KIF26B: variants seen among roughly 807,000 people sequenced by gnomAD.
The protein encoded by KIF26B is kinesin family member 26B.
In KIF26B, 63 loss-of-function variants were observed where a neutral mutation model predicts 151.2. That is an observed-to-expected ratio of 0.42 (90% CI 0.34 to 0.51). The LOEUF (loss-of-function observed/expected upper bound fraction) is 0.51, where lower values mean the gene tolerates loss of function less well. KIF26B is among the 20% of genes least tolerant of loss of function. KIF26B has a pLI of 0.07. For synonymous variants in KIF26B, 1,357 were observed against 1,262.1 expected (o/e 1.08, Z -1.59); for missense variants, 2,813 against 2,913.6 (o/e 0.97, Z 0.79).
At chr1:245,452,308 T>C (rs527779521) in intron 4 of KIF26B, among the ~76,000 whole-genome samples, 2 of 152,366 alleles carry the variant, frequency 1.3e-5, no homozygotes, top group East Asian at 1.9e-4. Context: ...TTGTATGTAT[T>C]ATATATACCA....
Position 245,167,531 on chromosome 1 carries a change from A to G in KIF26B, c.465+10848A>G, listed in dbSNP as rs895694531. Among the ~76,000 whole-genome samples the G allele has an allele frequency of 2.0e-5, 3 of 152,218 alleles. No homozygotes were observed. Among genetic ancestry groups the G allele is most frequent in the East Asian group, 3.8e-4 (2 of 5,200 alleles). On this transcript the variant is annotated intron_variant, in intron 2 of 14. Transcript: ENST00000407071. This position sits in a 1 kb window ranked among gnomAD's most constrained non-coding sequence, Gnocchi z 4.2. ...ACTGGTGGCTTCACACAAGAATGGGAGACTCACCTATTAACTGATTAGAAG... is the reference window on the plus strand; with the variant it reads ...ACTGGTGGCTTCACACAAGAATGGGGGACTCACCTATTAACTGATTAGAAG...
Position 245,608,037 on chromosome 1 carries a change from T to A in KIF26B, c.1651+293T>A, listed in dbSNP as rs550108717. Among the ~76,000 whole-genome samples the A allele has an allele frequency of 2.0e-5, 3 of 152,268 alleles. No individual in the cohort carries two copies. The South Asian group carries it at 6.2e-4, about 32-fold the overall frequency. On this transcript the variant is annotated intron_variant, in intron 7 of 14. Coordinates refer to ENST00000407071, the MANE Select transcript of KIF26B (RefSeq NM_018012.4). ...GCCCAGAAGGCAGGCAGGAAAATAT[T>A]CATTTCCTGAGCAGCCGCTGTTTGG...
At chr1:245,395,957 G>T (rs1457903095) in intron 3 of KIF26B, among the ~76,000 whole-genome samples, 1 of 152,140 alleles carries the variant, frequency 6.6e-6, no homozygotes, top group African/African-American at 2.4e-5. Context: ...TTTCTTCCTA[G>T]CGATGGTGTT....
chr1:245,202,706 G>C (rs1414674808), intron 2 of KIF26B, among the ~76,000 whole-genome samples: 2 of 146,126 alleles, frequency 1.4e-5, no homozygotes, highest in East Asian at 4.0e-4. Flanking sequence ...CTTGCAGTGA[G>C]CTGAGATCGC....
At chr1:245,243,443 TATATACACAC>T (rs1356889132) in intron 2 of KIF26B, among the ~76,000 whole-genome samples, 2 of 143,432 alleles carry the variant, frequency 1.4e-5, no homozygotes, top group African/African-American at 5.2e-5. Flanking sequence ...TACATATATA[TATATACACAC>T]ACACACACAC....
intron 4 of KIF26B, among the ~76,000 whole-genome samples, chr1:245,434,198 CACTT>C (rs1383527947): frequency 1.4e-4 from 22 of 152,236 alleles, no homozygotes; most frequent in African/African-American, 5.1e-4. Flanking sequence ...ATTTTAGAGG[CACTT>C]ACTAGGGATG....
intron 4 of KIF26B, among the ~76,000 whole-genome samples, chr1:245,475,040 T>G (rs745985895): frequency 6.6e-6 from 1 of 151,900 alleles, no homozygotes; most frequent in Non-Finnish European, 1.5e-5. Flanking sequence ...AAATGACAAC[T>G]TGTAAACTAC....
intron 9 of KIF26B, among the ~76,000 whole-genome samples, chr1:245,632,180 C>T (rs1358571459): frequency 6.6e-6 from 1 of 152,142 alleles, no homozygotes; most frequent in African/African-American, 2.4e-5. Context: ...TTACTCTAAA[C>T]CCCTCTTACT....
chr1:245,374,123 A>T (rs1673213961), intron 3 of KIF26B, among the ~76,000 whole-genome samples: 1 of 99,920 alleles, frequency 1.0e-5, no homozygotes, highest in African/African-American at 3.7e-5. Flanking sequence ...ATATATATAT[A>T]TATATATATA....
chr1:245,211,272 G>T (rs2103543757), intron 2 of KIF26B, among the ~76,000 whole-genome samples: 1 of 152,266 alleles, frequency 6.6e-6, no homozygotes, highest in East Asian at 1.9e-4. Context: ...GTTAGTCATG[G>T]CAGTAGAAAG....
chr1:245,532,070 G>C (rs1259983994), intron 4 of KIF26B, among the ~76,000 whole-genome samples: 1 of 152,034 alleles, frequency 6.6e-6, no homozygotes, highest in East Asian at 1.9e-4. Flanking sequence ...CATGGTGACA[G>C]AGCCAGACCC....
chr1:245,651,221 C>T (rs946146409), intron 10 of KIF26B, among the ~76,000 whole-genome samples: 2 of 152,214 alleles, frequency 1.3e-5, no homozygotes, highest in African/African-American at 2.4e-5. Context: ...CATCGGGACA[C>T]ACCAGTTCAT....
At position 245,155,909 on chromosome 1, in the gene KIF26B, C is replaced by CA. The variant is rs534030933; in HGVS notation, c.64-373_64-372insA. Among the ~76,000 whole-genome samples the CA allele has an allele frequency of 2.7e-3, 416 of 152,292 alleles. 2 individuals carry two copies. Among genetic ancestry groups the CA allele is most frequent in the African/African-American group, 9.6e-3 (400 of 41,564 alleles). On this transcript the variant is annotated intron_variant, in intron 1 of 14. Coordinates refer to ENST00000407071, the MANE Select transcript of KIF26B (RefSeq NM_018012.4). ...AATCACAGCCCTCCCCCTACCCCCC[C>CA]CATAGGGTCTTCCAGGATTTTGTTC...
intron 3 of KIF26B, among the ~76,000 whole-genome samples, chr1:245,394,210 T>A (rs1673768052): frequency 6.6e-6 from 1 of 152,220 alleles, no homozygotes; most frequent in Non-Finnish European, 1.5e-5. Context: ...TTCTCTGTCG[T>A]CGTGAGTTTC....
intron 4 of KIF26B, among the ~76,000 whole-genome samples, chr1:245,440,627 C>T (rs765561995): frequency 2.0e-5 from 3 of 152,214 alleles, no homozygotes; most frequent in Non-Finnish European, 4.4e-5. Context: ...GCCTCTCTTG[C>T]ACAGAAAGAG....
At chr1:245,637,121 T>C (rs767428049) in intron 9 of KIF26B, among the ~76,000 whole-genome samples, 1 of 152,108 alleles carries the variant, frequency 6.6e-6, no homozygotes, top group Non-Finnish European at 1.5e-5. Flanking sequence ...CTGTACTAAT[T>C]TACATTCCCA....
At chr1:245,600,508 T>A (rs538309720) in intron 5 of KIF26B, among the ~76,000 whole-genome samples, 6 of 151,696 alleles carry the variant, frequency 4.0e-5, no homozygotes, top group African/African-American at 9.7e-5. Context: ...TATTTTTTTT[T>A]AATTAACTTT....
Position 245,601,584 on chromosome 1 carries a change from A to G in KIF26B, c.1351-993A>G, listed in dbSNP as rs2043397232. ...GCCACATATTACTAAAATTACCTGTATCTGTGTCTATCCTGCTACTCTATG... is the reference window on the plus strand; with the variant it reads ...GCCACATATTACTAAAATTACCTGTGTCTGTGTCTATCCTGCTACTCTATG... On this transcript the variant is annotated intron_variant, in intron 5 of 14. Transcript: ENST00000407071. The surrounding 1 kb of genome is among the most constrained non-coding windows in gnomAD (Gnocchi z 4.4). Among the ~76,000 whole-genome samples, 1 of 152,212 alleles carries G rather than the reference A, an allele frequency of 6.6e-6. No individual in the cohort carries two copies. Among genetic ancestry groups the G allele is most frequent in the South Asian group, 2.1e-4 (1 of 4,828 alleles).
At position 245,346,146 on chromosome 1, in the gene KIF26B, T is replaced by A. The variant is rs548643460; in HGVS notation, c.466-20688T>A. 1.6e-3 allele frequency among the ~76,000 whole-genome samples: 238 copies of A among 152,156 alleles called. 2 individuals are homozygous for A. Among genetic ancestry groups the A allele is most frequent in the African/African-American group, 5.7e-3 (236 of 41,498 alleles). On this transcript the variant is annotated intron_variant, in intron 2 of 14. Coordinates refer to ENST00000407071, the MANE Select transcript of KIF26B (RefSeq NM_018012.4). Reference sequence around the variant, plus strand: ...TTTTAGTAGAGTCAGGGTTTCACCATCTTGGCCAGGCTGGTCTTGAACTCC... The same window carrying A: ...TTTTAGTAGAGTCAGGGTTTCACCAACTTGGCCAGGCTGGTCTTGAACTCC...
Sources: gnomAD v4.1 joint callset for allele counts (sites outside exome capture counted in the v4.1 genomes callset) on GRCh38, gnomAD v4.1.1 for gene constraint, Gnocchi (gnomAD v3.1) non-coding constraint, MANE v1.5 for transcripts, NCBI Gene and HGNC (gene_info 2026-07-23, HGNC 2026-07-21) for gene names.